TNFRSF10B: variants seen among roughly 807,000 people sequenced by gnomAD.
TNFRSF10B encodes tumor necrosis factor receptor superfamily member 10B.
In TNFRSF10B, 35 loss-of-function variants were observed where a neutral mutation model predicts 41.4. The ratio of observed to expected loss-of-function variants is 0.85; its 90% confidence interval spans 0.65 to 1.12. The LOEUF is 1.12. TNFRSF10B is among the 50% of genes most tolerant of loss of function. TNFRSF10B has a pLI of 0.00. For synonymous variants in TNFRSF10B, 230 were observed against 215.5 expected (o/e 1.07, Z -0.59); for missense variants, 584 against 552.7 (o/e 1.06, Z -0.57).
At chr8:23,049,520 C>T (rs1324339379) in intron 1 of TNFRSF10B, among the ~76,000 whole-genome samples, 1 of 152,184 alleles carries the variant, frequency 6.6e-6, no homozygotes, top group Non-Finnish European at 1.5e-5. Context: ...AGTAAATTTA[C>T]TGAGGCTCCA....
intron 1 of TNFRSF10B, among the ~76,000 whole-genome samples, chr8:23,043,559 T>G (rs577243005): frequency 9.1e-4 from 139 of 152,334 alleles, no homozygotes; most frequent in African/African-American, 3.2e-3. Flanking sequence ...TTTGTCTCAT[T>G]TAGTTCCACT....
intron 1 of TNFRSF10B, among the ~76,000 whole-genome samples, chr8:23,054,345 CTT>C (rs775408294): frequency 4.6e-5 from 7 of 152,214 alleles, no homozygotes; most frequent in East Asian, 1.9e-4. Flanking sequence ...GGCAAGGAAA[CTT>C]TTCTTTTGAG....
intron 1 of TNFRSF10B, among the ~76,000 whole-genome samples, chr8:23,050,121 T>G (rs748887562): frequency 2.0e-5 from 3 of 152,216 alleles, no homozygotes; most frequent in Non-Finnish European, 4.4e-5. Flanking sequence ...AGGAGCCTAT[T>G]GTTTTCCCAT....
chr8:23,057,459 G>A (rs1812705880), intron 1 of TNFRSF10B, among the ~76,000 whole-genome samples: 1 of 138,220 alleles, frequency 7.2e-6, no homozygotes. Flanking sequence ...TGAGATTGGA[G>A]TCTCACTCTG....
chr8:23,032,318 G>C (rs1811907460), intron 2 of TNFRSF10B, among the ~76,000 whole-genome samples: 1 of 152,096 alleles, frequency 6.6e-6, no homozygotes, highest in African/African-American at 2.4e-5. Flanking sequence ...TACAACAATG[G>C]GAAAAGCCTT....
rs550317134 is a variant in TNFRSF10B at position 23,021,856 on chromosome 8, A to G, written c.*815T>C. On this transcript the variant is annotated 3_prime_UTR_variant, in exon 9 of 9. Coordinates refer to ENST00000276431, the MANE Select transcript of TNFRSF10B (RefSeq NM_003842.5). ...GGACTTCTTCTTCTTCCCCCATTGTATGTCTCCTCCTTTTATGTTTATCTA... is the reference window on the plus strand; with the variant it reads ...GGACTTCTTCTTCTTCCCCCATTGTGTGTCTCCTCCTTTTATGTTTATCTA... 6 of 454,130 alleles carry G rather than the reference A, an allele frequency of 1.3e-5. No homozygotes were observed. The East Asian group carries it at 2.8e-4, about 21-fold the overall frequency. 28.1% of individuals were successfully genotyped at this position (454,130 alleles called of 1,614,324 possible). A position where few individuals can be genotyped will look rare whatever the true frequency, so the allele number is the denominator to read the frequency against.
chr8:23,068,904 G>C lies in TNFRSF10B; in HGVS notation c.-10C>G. 1 of 1,613,402 alleles carries C rather than the reference G, an allele frequency of 6.2e-7. No homozygotes were observed. The highest frequency in any genetic ancestry group is 8.5e-7 in the Non-Finnish European group (1 of 1,179,956). On this transcript the variant is annotated 5_prime_UTR_variant, in exon 1 of 9. Coordinates refer to ENST00000276431, the MANE Select transcript of TNFRSF10B (RefSeq NM_003842.5). ...GTCCCCGTTGTTCCATGGCGGTAGG[G>C]AACGCTCTTATAGTCTCTCAGGCCC...
At chr8:23,031,486 C>T (rs941433887) in intron 2 of TNFRSF10B, among the ~76,000 whole-genome samples, 4 of 151,900 alleles carry the variant, frequency 2.6e-5, no homozygotes, top group African/African-American at 4.8e-5. Context: ...CTCGACCTCC[C>T]GGACCCTCCC....
chr8:23,063,931 ACT>A (rs1269516317), intron 1 of TNFRSF10B, among the ~76,000 whole-genome samples: 1 of 151,940 alleles, frequency 6.6e-6, no homozygotes, highest in Non-Finnish European at 1.5e-5. Context: ...CGTTTAACAC[ACT>A]CTATGAGCAG....
chr8:23,022,195 G>A lies in TNFRSF10B; in HGVS notation c.*476C>T. Reference sequence around the variant, plus strand: ...GAATCGCTTGAGCCTGAGAGGTCAAGGCTATAGTGAGCCAAGATTGCACCA... The same window carrying A: ...GAATCGCTTGAGCCTGAGAGGTCAAAGCTATAGTGAGCCAAGATTGCACCA... On this transcript the variant is annotated 3_prime_UTR_variant, in exon 9 of 9. Transcript: ENST00000276431. 2.2e-6 allele frequency: 1 copy of A among 452,574 alleles called. No individual in the cohort carries two copies. Among genetic ancestry groups the A allele is most frequent in the South Asian group, 1.6e-5 (1 of 64,384 alleles). 28.0% of individuals were successfully genotyped at this position (452,574 alleles called of 1,614,324 possible).
At chr8:23,044,904 C>T (rs1812310198) in intron 1 of TNFRSF10B, among the ~76,000 whole-genome samples, 1 of 151,668 alleles carries the variant, frequency 6.6e-6, no homozygotes, top group Non-Finnish European at 1.5e-5. Context: ...AGAAAGAAGA[C>T]AAATAAATTA....
At position 23,021,049 on chromosome 8, in the gene TNFRSF10B, C is replaced by G; in HGVS notation, c.*1622G>C. ...TAACTTTGTCCCACCCAAACCAGTC[C>G]CGGAACAAAACACACAATGCCTTGA... On this transcript the variant is annotated 3_prime_UTR_variant, in exon 9 of 9. Coordinates refer to ENST00000276431, the MANE Select transcript of TNFRSF10B (RefSeq NM_003842.5). 2 of 454,084 alleles carry G rather than the reference C, an allele frequency of 4.4e-6. No homozygotes were observed. Among genetic ancestry groups the G allele is most frequent in the Non-Finnish European group, 8.8e-6 (2 of 226,794 alleles). 28.1% of individuals were successfully genotyped at this position (454,084 alleles called of 1,614,324 possible).
Position 23,068,965 on chromosome 8 carries a change from C to CG in TNFRSF10B, c.-72dup. On this transcript the variant is annotated 5_prime_UTR_variant, in exon 1 of 9. Coordinates refer to ENST00000276431, the MANE Select transcript of TNFRSF10B (RefSeq NM_003842.5). ...GCCCTTAAAGTAGATCGGGCATCGT[C>CG]GGTGTATTTTGTGGGCGCAGAGATT... 7 of 1,611,122 alleles carry CG rather than the reference C, an allele frequency of 4.3e-6. No homozygotes were observed. The highest frequency in any genetic ancestry group is 5.9e-6 in the Non-Finnish European group (7 of 1,179,028).
chr8:23,068,390 GAAGA>G, intron 1 of TNFRSF10B: 1 of 339,552 alleles, frequency 2.9e-6, no homozygotes, highest in Non-Finnish European at 5.4e-6. Flanking sequence ...GGAAAGAAAG[GAAGA>G]AAGAGAAAAA....
intron 2 of TNFRSF10B, among the ~76,000 whole-genome samples, chr8:23,042,676 T>C (rs1219014739): frequency 1.3e-5 from 2 of 152,168 alleles, no homozygotes; most frequent in African/African-American, 4.8e-5. Flanking sequence ...AAAATCCAGC[T>C]TCATCTGTGT....
intron 7 of TNFRSF10B, among the ~76,000 whole-genome samples, chr8:23,026,652 G>C (rs907653844): frequency 1.3e-5 from 2 of 152,210 alleles, no homozygotes; most frequent in Non-Finnish European, 2.9e-5. Context: ...CTGATGGATT[G>C]ATATGAACTG....
intron 1 of TNFRSF10B, among the ~76,000 whole-genome samples, chr8:23,046,194 A>C (rs1333762562): frequency 6.6e-6 from 1 of 152,252 alleles, no homozygotes; most frequent in Non-Finnish European, 1.5e-5. Flanking sequence ...AAAACCCTGA[A>C]GACTCCACCA....
intron 2 of TNFRSF10B, among the ~76,000 whole-genome samples, chr8:23,033,205 G>A (rs754616636): frequency 3.9e-5 from 6 of 152,176 alleles, no homozygotes; most frequent in Non-Finnish European, 7.4e-5. Flanking sequence ...ATTACTAGTA[G>A]ATCTGCCCTG....
intron 8 of TNFRSF10B, among the ~76,000 whole-genome samples, chr8:23,023,354 G>A (rs879297651): frequency 1.2e-4 from 19 of 152,182 alleles, no homozygotes; most frequent in South Asian, 1.0e-3. Flanking sequence ...CCTGGGCTGC[G>A]CTTGTCATGG....
Sources: gnomAD v4.1 joint callset for allele counts (sites outside exome capture counted in the v4.1 genomes callset) on GRCh38, gnomAD v4.1.1 for gene constraint, MANE v1.5 for transcripts, NCBI Gene and HGNC (gene_info 2026-07-23, HGNC 2026-07-21) for gene names.